Variants in MTBP observed in about 807,000 individuals in gnomAD.
MTBP encodes MDM2 binding protein.
MTBP carries 101 observed loss-of-function variants against 117.0 expected under a neutral mutation model. The ratio of observed to expected loss-of-function variants is 0.86; its 90% CI spans 0.73 to 1.02. The LOEUF (loss-of-function observed/expected upper bound fraction) is 1.02, where lower values mean the gene tolerates loss of function less well. MTBP is among the 50% of genes least tolerant of loss of function. MTBP has a pLI of 0.00. For synonymous variants in MTBP, 350 were observed against 351.5 expected (o/e 1.00, Z 0.05); for missense variants, 970 against 1,030.9 (o/e 0.94, Z 0.81).
At chr8:120,451,470 T>C (rs948857718) in intron 4 of MTBP, 148 bp downstream of exon 4, 2 of 585,460 alleles carry the variant, frequency 3.4e-6, no homozygotes, top group Non-Finnish European at 5.8e-6. Context: ...TTGGGCCTTT[T>C]ATTTGAATAA....
intron 9 of MTBP, among the ~76,000 whole-genome samples, chr8:120,463,209 A>G (rs1450930871): frequency 6.6e-6 from 1 of 152,198 alleles, no homozygotes; most frequent in East Asian, 1.9e-4. Flanking sequence ...GAAGAAACCT[A>G]AGAATCAGTC....
At chr8:120,521,524 A>C (rs1465768133) in intron 20 of MTBP, among the ~76,000 whole-genome samples, 1 of 152,168 alleles carries the variant, frequency 6.6e-6, no homozygotes, top group Non-Finnish European at 1.5e-5. Flanking sequence ...AGTGTCTAAA[A>C]GTGTTTAATC....
chr8:120,457,829 C>A (rs994491737), intron 7 of MTBP, among the ~76,000 whole-genome samples: 5 of 151,700 alleles, frequency 3.3e-5, no homozygotes, highest in African/African-American at 4.8e-5. Context: ...GAGGCTGGGA[C>A]TCTTGAGGCA....
At chr8:120,474,294 A>G (rs1477555039) in intron 11 of MTBP, among the ~76,000 whole-genome samples, 1 of 152,032 alleles carries the variant, frequency 6.6e-6, no homozygotes, top group African/African-American at 2.4e-5. Flanking sequence ...AGTAGAAATA[A>G]AATCAAACTG....
intron 11 of MTBP, among the ~76,000 whole-genome samples, chr8:120,486,928 T>A (rs189254633): frequency 2.0e-5 from 3 of 152,326 alleles, no homozygotes; most frequent in Non-Finnish European, 4.4e-5. Flanking sequence ...TAGGATCATT[T>A]CACCGGTTGT....
chr8:120,502,869 C>A (rs1047057500), intron 15 of MTBP, among the ~76,000 whole-genome samples: 4 of 152,112 alleles, frequency 2.6e-5, no homozygotes, highest in Non-Finnish European at 5.9e-5. Flanking sequence ...CCTTTCAGAC[C>A]ATCTTCCATA....
In MTBP at chr8:120,518,081, G is replaced by A. The variant is rs774624114; in HGVS notation, c.2477G>A (p.Arg826Lys). ...SKTSRQIKES[R>K]SQKHTRILKE... Reference sequence around the variant, plus strand: ...ACATCAAGGCAAATTAAGGAATCAAGATCACAGAAACACACACGGGTAAAG... The same window carrying A: ...ACATCAAGGCAAATTAAGGAATCAAAATCACAGAAACACACACGGGTAAAG... Residue 826 changes from arginine to lysine, a missense_variant, in exon 19 of 22, where the codon AGA becomes AAA. Transcript: ENST00000305949. 9.3e-6 allele frequency: 15 copies of A among 1,612,234 alleles called. No individual in the cohort carries two copies. The South Asian group carries it at 1.6e-4, about 18-fold the overall frequency.
At chr8:120,497,312 C>A (rs781480417) in intron 13 of MTBP, 81 bp from the exon 14 acceptor site, 70 of 1,267,810 alleles carry the variant, frequency 5.5e-5, no homozygotes, top group Non-Finnish European at 7.6e-5. Flanking sequence ...TGTTTTACTT[C>A]TGAAAATATT....
intron 13 of MTBP, 76 bp downstream of exon 13, chr8:120,490,646 C>T: frequency 3.5e-6 from 3 of 848,482 alleles, no homozygotes; most frequent in South Asian, 1.7e-5. Context: ...TTTATTTGCA[C>T]ACTTTTTCAT....
At chr8:120,452,883 C>T (rs1813388589) in intron 4 of MTBP, 2 of 150,968 alleles carry the variant, frequency 1.3e-5, no homozygotes, top group Non-Finnish European at 2.9e-5. Flanking sequence ...GATAAGTGAC[C>T]TAATAATTAT....
At chr8:120,457,832 T>C (rs1054551288) in intron 7 of MTBP, among the ~76,000 whole-genome samples, 4 of 151,694 alleles carry the variant, frequency 2.6e-5, no homozygotes, top group African/African-American at 9.7e-5. Flanking sequence ...GCTGGGACTC[T>C]TGAGGCAGGA....
chr8:120,455,908 G>A (rs1323067085), intron 6 of MTBP, among the ~76,000 whole-genome samples: 1 of 152,008 alleles, frequency 6.6e-6, no homozygotes, highest in Non-Finnish European at 1.5e-5. Flanking sequence ...TCTGTTATGT[G>A]CCAATGTAGG....
chr8:120,446,138 A>G (rs1813222077), intron 1 of MTBP, among the ~76,000 whole-genome samples: 1 of 152,200 alleles, frequency 6.6e-6, no homozygotes, highest in Admixed American at 6.5e-5. Context: ...TTGAGGAGTA[A>G]ATGTATGTGG....
intron 11 of MTBP, among the ~76,000 whole-genome samples, chr8:120,486,660 G>A (rs4637891): frequency 0.53 from 80,131 of 151,774 alleles, 24,448 homozygotes; most frequent in Non-Finnish European, 0.67. Context: ...ATTGGAAGCC[G>A]AGGGAGGAGG....
At chr8:120,512,439 T>C (rs1229845933) in intron 17 of MTBP, among the ~76,000 whole-genome samples, 1 of 151,964 alleles carries the variant, frequency 6.6e-6, no homozygotes, top group Non-Finnish European at 1.5e-5. Context: ...CTCGCTACTC[T>C]TTTTTTTCTG....
chr8:120,478,975 C>T (rs900124515), intron 11 of MTBP, among the ~76,000 whole-genome samples: 9 of 152,166 alleles, frequency 5.9e-5, no homozygotes, highest in Non-Finnish European at 1.3e-4. Flanking sequence ...ACATGTACAC[C>T]ATGGAATACT....
intron 2 of MTBP, among the ~76,000 whole-genome samples, chr8:120,449,297 A>G (rs1353272708): frequency 6.6e-6 from 1 of 152,176 alleles, no homozygotes. Context: ...GGTGGCATTT[A>G]GTGAGAAAGA....
intron 17 of MTBP, among the ~76,000 whole-genome samples, chr8:120,514,505 C>A (rs1814880025): frequency 6.6e-6 from 1 of 151,974 alleles, no homozygotes; most frequent in African/African-American, 2.4e-5. Context: ...AAACACTGAG[C>A]AAGTAGTATT....
intron 11 of MTBP, among the ~76,000 whole-genome samples, chr8:120,474,201 C>G (rs1813885320): frequency 6.6e-6 from 1 of 151,514 alleles, no homozygotes; most frequent in Non-Finnish European, 1.5e-5. Context: ...TCTTTGAAAC[C>G]AGATTGTTGA....
Sources: gnomAD v4.1 joint callset for allele counts (sites outside exome capture counted in the v4.1 genomes callset) on GRCh38, gnomAD v4.1.1 for gene constraint, MANE v1.5 for transcripts, NCBI Gene and HGNC (gene_info 2026-07-23, HGNC 2026-07-21) for gene names.